The following MAPK9 variants were observed in gnomAD, a reference collection of about 807,000 sequenced individuals.
The protein encoded by MAPK9 is mitogen-activated protein kinase 9, also known as Jun kinase.
In MAPK9, 30 loss-of-function variants were observed where a neutral mutation model predicts 57.1. The observed-to-expected ratio is 0.53, with a 90% confidence interval of 0.39 to 0.71. MAPK9 has a LOEUF of 0.71. Among genes scored for constraint, MAPK9 ranks in the 30% least tolerant of loss-of-function variants. MAPK9 has a pLI of 0.00. For synonymous variants in MAPK9, 155 were observed against 177.0 expected (o/e 0.88, Z 0.99); for missense variants, 362 against 521.0 (o/e 0.69, Z 2.97).
At chr5:180,241,280 G>C in intron 8 of MAPK9, 125 bp from the exon 9 acceptor site, 2 of 1,056,252 alleles carry the variant, frequency 1.9e-6, no homozygotes, top group Non-Finnish European at 2.6e-6. Flanking sequence ...ATGTTTGATA[G>C]GTTCAAGATG....
At chr5:180,241,290 G>T in intron 8 of MAPK9, 135 bp from the exon 9 acceptor site, 7 of 895,402 alleles carry the variant, frequency 7.8e-6, no homozygotes, top group East Asian at 3.1e-5. Flanking sequence ...GGTTCAAGAT[G>T]AATATAACCC....
chr5:180,270,868 A>AAAAAAGAAAAAG (rs71591466), intron 2 of MAPK9, among the ~76,000 whole-genome samples: 1 of 137,568 alleles, frequency 7.3e-6, no homozygotes, highest in African/African-American at 3.1e-5. Context: ...CAAAAAAAAA[A>AAAAAAGAAAAAG]AAAAAGAAAA....
At chr5:180,241,379 G>C (rs1330289875) in intron 8 of MAPK9, among the ~76,000 whole-genome samples, 2 of 151,242 alleles carry the variant, frequency 1.3e-5, no homozygotes, top group Non-Finnish European at 2.9e-5. Flanking sequence ...CTCACTGCAA[G>C]TTCCACCTCC....
intron 1 of MAPK9, among the ~76,000 whole-genome samples, chr5:180,285,305 A>G (rs1471713338): frequency 1.3e-5 from 2 of 152,242 alleles, no homozygotes; most frequent in African/African-American, 4.8e-5. Context: ...GTTTCACCAC[A>G]ATATTCAAGT....
chr5:180,278,296 G>C (rs1762005689), intron 2 of MAPK9, among the ~76,000 whole-genome samples: 1 of 152,246 alleles, frequency 6.6e-6, no homozygotes, highest in African/African-American at 2.4e-5. Context: ...ACCAGTGAGG[G>C]TTATGGCAGA....
rs1757973033 is a variant in MAPK9, at chr5:180,245,002, G to C, written c.689-2247C>G. The stretch of plus-strand genomic sequence containing the variant: ...AGCCTCCCTCAGTCACCACACTCTA[G>C]GAGGAGGGGTCACGTGAGTGCCTTC... On this transcript the variant is annotated intron_variant, in intron 7 of 11. Transcript: ENST00000452135. Among the ~76,000 whole-genome samples the C allele has an allele frequency of 1.1e-4, 17 of 152,266 alleles. No homozygotes were observed. In the South Asian group the frequency reaches 3.5e-3, roughly 32 times the overall value.
intron 11 of MAPK9, chr5:180,237,075 T>A (rs1319544931): frequency 6.6e-6 from 1 of 152,232 alleles, no homozygotes; most frequent in Non-Finnish European, 1.5e-5. Context: ...TCCAGAAAAC[T>A]GACATTTTAA....
At chr5:180,284,173 A>C (rs956159183) in intron 1 of MAPK9, among the ~76,000 whole-genome samples, 1 of 152,214 alleles carries the variant, frequency 6.6e-6, no homozygotes, top group East Asian at 1.9e-4. Flanking sequence ...GGGGCTCAGA[A>C]AACAGTTTTA....
intron 5 of MAPK9, among the ~76,000 whole-genome samples, chr5:180,260,983 G>A (rs977130480): frequency 7.2e-5 from 11 of 151,772 alleles, no homozygotes; most frequent in African/African-American, 1.4e-4. Context: ...TTACACAGCC[G>A]TACAAGTAAT....
chr5:180,265,034 CA>C (rs1760381581), intron 3 of MAPK9, among the ~76,000 whole-genome samples, 195 bp from the exon 4 acceptor site: 1 of 152,154 alleles, frequency 6.6e-6, no homozygotes, highest in Non-Finnish European at 1.5e-5. Context: ...CACTTTTAAT[CA>C]AATCACTTTT....
chr5:180,279,313 A>G (rs1762109230), intron 2 of MAPK9, among the ~76,000 whole-genome samples: 1 of 152,210 alleles, frequency 6.6e-6, no homozygotes, highest in African/African-American at 2.4e-5. Context: ...ATGTGTCATC[A>G]GGAAGTTAAG....
intron 5 of MAPK9, among the ~76,000 whole-genome samples, chr5:180,260,954 AT>A (rs2092224708): frequency 6.6e-6 from 1 of 150,628 alleles, no homozygotes; most frequent in Non-Finnish European, 1.5e-5. Context: ...AAAAAAAAAA[AT>A]CTATCATGAT....
chr5:180,253,963 C>CCT (rs539640025), intron 5 of MAPK9, among the ~76,000 whole-genome samples: 5 of 109,358 alleles, frequency 4.6e-5, no homozygotes, highest in Non-Finnish European at 8.7e-5. Context: ...GCTTCAATCT[C>CCT]TTTTTTTTTT....
intron 7 of MAPK9, chr5:180,246,347 T>C (rs1469517300): frequency 6.6e-6 from 1 of 152,184 alleles, no homozygotes; most frequent in Non-Finnish European, 1.5e-5. Flanking sequence ...ACATATTATA[T>C]AATCTATGAT....
At chr5:180,244,716 G>A (rs1316124066) in intron 7 of MAPK9, among the ~76,000 whole-genome samples, 2 of 150,070 alleles carry the variant, frequency 1.3e-5, no homozygotes, top group Non-Finnish European at 2.9e-5. Context: ...AGAGGTTGCA[G>A]TGAGCTGAGA....
Position 180,264,819 on chromosome 5 carries a change from C to T in MAPK9, c.273G>A (p.Val91=). The T allele has an allele frequency of 6.4e-7, 1 of 1,552,298 alleles. No individual in the cohort carries two copies. The highest frequency in any genetic ancestry group is 8.7e-7 in the Non-Finnish European group (1 of 1,146,078). The change falls in exon 4 of 12, where the codon GTG becomes GTA. Residue 91 remains valine, a synonymous_variant. Coordinates refer to ENST00000452135, the MANE Select transcript of MAPK9 (RefSeq NM_002752.5). The part of the protein sequence containing the change: ...NHKNIISLLN[V]FTPQKTLEEF... ...CTTCTAGAGTTTTTTGTGGTGTAAA[C>T]ACATTTAACAAACTAATTATCTGAA...
chr5:180,263,580 T>C (rs929353896), intron 4 of MAPK9, among the ~76,000 whole-genome samples: 31 of 152,132 alleles, frequency 2.0e-4, no homozygotes, highest in Non-Finnish European at 4.4e-4. Flanking sequence ...TGCTCCCTCA[T>C]CTCTAGCCAC....
intron 4 of MAPK9, among the ~76,000 whole-genome samples, chr5:180,262,438 A>T (rs565861791): frequency 6.6e-6 from 1 of 151,522 alleles, no homozygotes; most frequent in Non-Finnish European, 1.5e-5. Context: ...TATTTTTTAA[A>T]TTTTTTTGAG....
chr5:180,234,704 A>C lies in MAPK9; in HGVS notation c.*1680T>G, dbSNP rs1209554346. On this transcript the variant is annotated 3_prime_UTR_variant, in exon 12 of 12. Transcript: ENST00000452135. ...AAATAGGTGTTTCCGCCTCAATCCA[A>C]GTTATTATTACCATTTTGTACTTGA... 6.6e-6 allele frequency: 1 copy of C among 152,244 alleles called. No homozygotes were observed. Among genetic ancestry groups the C allele is most frequent in the African/African-American group, 2.4e-5 (1 of 41,452 alleles). The allele number at this position is 152,244 out of a possible 1,614,324, so 9.4% of individuals were successfully genotyped here.
Sources: allele counts gnomAD v4.1 joint callset (sites outside exome capture counted in the v4.1 genomes callset), GRCh38; gene constraint gnomAD v4.1.1; transcripts MANE v1.5; gene names NCBI Gene and HGNC (gene_info 2026-07-23, HGNC 2026-07-21).